PJVK: variants seen among roughly 807,000 people sequenced by gnomAD.
PJVK encodes pejvakin.
Under a neutral mutation model 37.6 loss-of-function variants are expected in PJVK, and 33 were observed. The observed-to-expected ratio is 0.88, with a 90% CI of 0.67 to 1.17. PJVK has a LOEUF of 1.17. Among genes scored for constraint, PJVK ranks in the 50% most tolerant of loss-of-function variants. The pLI, the probability that PJVK is intolerant of heterozygous loss-of-function variation, is 0.00. For missense variants in PJVK, 410 were observed against 413.8 expected (o/e 0.99, Z 0.08); for synonymous variants, 141 against 143.5 (o/e 0.98, Z 0.13).
rs776538230 is a variant in PJVK, at chr2:178,453,572, C to G, written c.163C>G (p.Pro55Ala). The stretch of plus-strand genomic sequence containing the variant: ...TCCTAGATATAAATTTACTTCAACA[C>G]CTTTTACACTGAAAGATATTCTCCT... ...LFPRYKFTST[P>A]FTLKDILLGD... Residue 55 changes from proline (P) to alanine (A), a missense_variant, in exon 2 of 7, where the codon CCT becomes GCT. Coordinates refer to ENST00000644580, the MANE Select transcript of PJVK (RefSeq NM_001042702.5). 1 of 1,613,958 alleles carries G rather than the reference C, an allele frequency of 6.2e-7. No homozygotes were observed. Among genetic ancestry groups the G allele is most frequent in the Admixed American group, 1.7e-5 (1 of 60,004 alleles).
chr2:178,457,988 C>G (rs1684238466), intron 4 of PJVK, among the ~76,000 whole-genome samples: 1 of 152,168 alleles, frequency 6.6e-6, no homozygotes, highest in African/African-American at 2.4e-5. Context: ...AGATAGGGTT[C>G]AAGGATAATC....
At chr2:178,460,511 T>A (rs1684422919) in intron 6 of PJVK, 65 bp downstream of exon 6, 1 of 1,421,324 alleles carries the variant, frequency 7.0e-7, no homozygotes, top group Non-Finnish European at 9.9e-7. Flanking sequence ...CACATGAGGT[T>A]TTCTATTCAG....
intron 1 of PJVK, 70 bp downstream of exon 1, chr2:178,451,839 T>A: frequency 2.0e-6 from 2 of 985,506 alleles, no homozygotes; most frequent in Non-Finnish European, 2.4e-6. Context: ...TAGTCGGTTG[T>A]AATGGCGTTT....
intron 6 of PJVK, 67 bp from the exon 7 acceptor site, chr2:178,460,915 G>T: frequency 2.4e-6 from 3 of 1,247,602 alleles, no homozygotes; most frequent in Non-Finnish European, 3.4e-6. Context: ...ATTTATTAAT[G>T]CTGTTTGCAT....
In PJVK at chr2:178,462,031, A is replaced by C. The variant is rs1272474510; in HGVS notation, c.*757A>C. 6.6e-6 allele frequency among the ~76,000 whole-genome samples: 1 copy of C among 152,250 alleles called. No homozygotes were observed. Among genetic ancestry groups the C allele is most frequent in the Non-Finnish European group, 1.5e-5 (1 of 68,042 alleles). ...TGCCTTTGGTCTGGTAAAATGAGAA[A>C]AATGTGTTAATAATTTAATGCAATC... is the stretch of plus-strand genomic sequence containing the variant. On this transcript the variant is annotated 3_prime_UTR_variant, in exon 7 of 7. Transcript: ENST00000644580.
intron 4 of PJVK, among the ~76,000 whole-genome samples, chr2:178,457,536 G>A (rs1199723005): frequency 6.6e-6 from 1 of 152,148 alleles, no homozygotes; most frequent in African/African-American, 2.4e-5. Context: ...GGCTGCCTGC[G>A]GGGTTTGGGT....
At chr2:178,460,773 T>C (rs1004357909) in intron 6 of PJVK, among the ~76,000 whole-genome samples, 2 of 130,370 alleles carry the variant, frequency 1.5e-5, no homozygotes, top group Non-Finnish European at 3.1e-5. Context: ...CACTTGAGCG[T>C]GGGAGGCGGA....
chr2:178,461,991 TG>T lies in PJVK; in HGVS notation c.*719del, dbSNP rs1684529818. On this transcript the variant is annotated 3_prime_UTR_variant, in exon 7 of 7. Transcript: ENST00000644580. ...ACAAGACTGCACAAGTAGCAACTTT[TG>T]GTGTTTCAACTATTGCCTTTGGTCT... 6.6e-6 allele frequency among the ~76,000 whole-genome samples: 1 copy of T among 152,252 alleles called. No individual in the cohort carries two copies. The highest frequency in any genetic ancestry group is 2.4e-5 in the African/African-American group (1 of 41,478).
rs751054350 is a variant in PJVK, at chr2:178,460,335, AT to A, written c.668-5del. On this transcript the variant is annotated splice_polypyrimidine_tract_variant and intron_variant, in intron 5 of 6. Transcript: ENST00000644580. ...ATTCAAGTTATAACATCTTCTAACA[AT>A]TTTTTTTGTAGACCTTTGTGTCACT... 1.2e-5 allele frequency: 20 copies of A among 1,605,456 alleles called. No individual in the cohort carries two copies. The highest frequency in any genetic ancestry group is 2.7e-5 in the African/African-American group (2 of 74,852).
At chr2:178,458,410 G>T in intron 4 of PJVK, 100 bp from the exon 5 acceptor site, 1 of 985,366 alleles carries the variant, frequency 1.0e-6, no homozygotes, top group Admixed American at 2.4e-5. Flanking sequence ...GGAATTTTTT[G>T]TTTTGTTTTT....
intron 5 of PJVK, chr2:178,460,101 G>A (rs1684386830): frequency 1.4e-5 from 6 of 437,782 alleles, no homozygotes; most frequent in Admixed American, 3.8e-5. Context: ...CTTAAACCAC[G>A]GGTGCCCCTA....
At position 178,454,469 on chromosome 2, in the gene PJVK, G is replaced by C. The variant is rs554426737; in HGVS notation, c.349G>C (p.Gly117Arg). ...TTCCATTGCAGTGAAAGCTTCATTT[G>C]GTATAGTAACCAAACATGAAGTGGA... ...SDSIAVKASF[G>R]IVTKHEVEVS... The change falls in exon 3 of 7, where the codon GGT (glycine) becomes CGT (arginine). Residue 117 changes from glycine (G) to arginine (R), a missense_variant. Transcript: ENST00000644580. The C allele has an allele frequency of 6.2e-7, 1 of 1,613,702 alleles. No individual in the cohort carries two copies. Among genetic ancestry groups the C allele is most frequent in the African/African-American group, 1.3e-5 (1 of 74,932 alleles).
At chr2:178,452,941 C>G (rs138819522) in intron 1 of PJVK, 30 of 167,154 alleles carry the variant, frequency 1.8e-4, no homozygotes, top group Non-Finnish European at 3.4e-4. Flanking sequence ...GCCAAAATTC[C>G]GGTGGTGGAC....
At chr2:178,460,570 T>C in intron 6 of PJVK, 124 bp downstream of exon 6, 1 of 898,748 alleles carries the variant, frequency 1.1e-6, no homozygotes. Context: ...CTGGCTGGTA[T>C]GGTGGCTCAT....
intron 1 of PJVK, chr2:178,452,334 G>A (rs1697734216): frequency 2.0e-6 from 2 of 978,696 alleles, no homozygotes; most frequent in South Asian, 9.5e-5. Flanking sequence ...TGTTTTGTTA[G>A]CATGTAAGCC....
chr2:178,452,686 A>C, intron 1 of PJVK: 1 of 953,232 alleles, frequency 1.0e-6, no homozygotes, highest in Non-Finnish European at 1.2e-6. Flanking sequence ...GCAGGACTCC[A>C]TTTCAAAGAG....
chr2:178,455,503 A>G (rs1371591292), intron 3 of PJVK: 3 of 915,526 alleles, frequency 3.3e-6, no homozygotes, highest in Non-Finnish European at 5.5e-6. Context: ...CTTCTCTGGG[A>G]CTTGTGGGCC....
intron 4 of PJVK, 61 bp from the exon 5 acceptor site, chr2:178,458,449 T>A (rs2154126204): frequency 7.5e-7 from 1 of 1,330,688 alleles, no homozygotes; most frequent in East Asian, 2.4e-5. Flanking sequence ...GTTTCATTTC[T>A]CCAAAAAGCT....
chr2:178,454,696 T>C, intron 3 of PJVK, 169 bp downstream of exon 3: 1 of 1,486,904 alleles, frequency 6.7e-7, no homozygotes, highest in Non-Finnish European at 9.2e-7. Context: ...TAAGGATAGA[T>C]ATCAAAAATC....
Sources: gnomAD v4.1 joint callset for allele counts (sites outside exome capture counted in the v4.1 genomes callset) on GRCh38, gnomAD v4.1.1 for gene constraint, MANE v1.5 for transcripts, NCBI Gene and HGNC (gene_info 2026-07-23, HGNC 2026-07-21) for gene names.